LGSN: variants seen among roughly 807,000 people sequenced by gnomAD.
LGSN encodes lengsin, lens protein with glutamine synthetase domain, also known as lengsin.
LGSN carries 21 observed loss-of-function variants against 19.5 expected under a neutral mutation model. The observed-to-expected ratio is 1.07, with a 90% CI of 0.76 to 1.55. LGSN has a LOEUF of 1.55. Among genes scored for constraint, LGSN ranks in the 40% most tolerant of loss-of-function variants. The pLI is 0.00. For missense variants in LGSN, 673 were observed against 608.5 expected (o/e 1.11, Z -1.12); for synonymous variants, 257 against 215.6 (o/e 1.19, Z -1.68).
At chr6:63,381,782 C>T in the LGSN span, among the ~76,000 whole-genome samples, 1 of 152,196 alleles carries the variant, frequency 6.6e-6, no homozygotes, top group Non-Finnish European at 1.5e-5. Context: ...GCTCCAGACA[C>T]AGCAAGCAAT....
chr6:63,360,597 C>T, the LGSN span, among the ~76,000 whole-genome samples: 6 of 152,274 alleles, frequency 3.9e-5, no homozygotes, highest in Admixed American at 1.3e-4. Flanking sequence ...GCCATGGGTT[C>T]GAACTTCCTC....
At chr6:63,320,003 A>G (rs1474074087), upstream of LGSN, 29 of 1,191,906 alleles carry the variant, frequency 2.4e-5, no homozygotes, top group Non-Finnish European at 3.0e-5. Context: ...TGCATTCAAC[A>G]TGTATTTATA....
At chr6:63,380,972 A>G in the LGSN span, among the ~76,000 whole-genome samples, 1 of 152,172 alleles carries the variant, frequency 6.6e-6, no homozygotes, top group Non-Finnish European at 1.5e-5. Flanking sequence ...CAAGGCAGGC[A>G]GATCACTTGA....
the LGSN span, among the ~76,000 whole-genome samples, chr6:63,442,313 G>C: frequency 2.0e-5 from 3 of 152,324 alleles, no homozygotes; most frequent in South Asian, 4.1e-4. Flanking sequence ...AAAGAACAAA[G>C]CTTCCACAGC....
chr6:63,390,161 G>T, the LGSN span, among the ~76,000 whole-genome samples: 1 of 112,108 alleles, frequency 8.9e-6, no homozygotes, highest in African/African-American at 3.6e-5. Context: ...GCAGAGTCTC[G>T]CTCTGTCACC....
chr6:63,381,040 A>G, the LGSN span, among the ~76,000 whole-genome samples: 1 of 152,130 alleles, frequency 6.6e-6, no homozygotes, highest in African/African-American at 2.4e-5. Flanking sequence ...CTAAAAAACA[A>G]AATACACAAA....
the LGSN span, among the ~76,000 whole-genome samples, chr6:63,419,385 C>G: frequency 6.0e-4 from 92 of 152,234 alleles, no homozygotes; most frequent in Middle Eastern, 3.4e-3. Flanking sequence ...ACCTAGCAGG[C>G]CTCAAGGAGG....
At chr6:63,391,957 T>TTCTTTTAA in the LGSN span, among the ~76,000 whole-genome samples, 1 of 152,194 alleles carries the variant, frequency 6.6e-6, no homozygotes, top group African/African-American at 2.4e-5. Context: ...AAGGAATCAA[T>TTCTTTTAA]GATATGAAAG....
chr6:63,390,376 T>C, the LGSN span, among the ~76,000 whole-genome samples: 16,143 of 151,310 alleles, frequency 0.11, 1,768 homozygotes, highest in African/African-American at 0.29. Flanking sequence ...GTGATCCACC[T>C]GCCTTGGCCT....
chr6:63,344,171 A>G, the LGSN span, among the ~76,000 whole-genome samples: 450 of 152,316 alleles, frequency 3.0e-3, 3 homozygotes, highest in African/African-American at 0.01. Flanking sequence ...GAGATAATAA[A>G]TAGGTGTTGT....
chr6:63,377,384 C>T, the LGSN span, among the ~76,000 whole-genome samples: 3 of 152,340 alleles, frequency 2.0e-5, no homozygotes, highest in South Asian at 4.1e-4. Flanking sequence ...TTTCCAGATG[C>T]TGCCATGCTG....
the LGSN span, chr6:63,527,771 G>A: frequency 5.3e-5 from 8 of 152,142 alleles, no homozygotes; most frequent in Admixed American, 1.3e-4. Context: ...AGACAGTGAC[G>A]ATAACAGTGA....
At chr6:63,339,553 T>C in the LGSN span, among the ~76,000 whole-genome samples, 1 of 152,100 alleles carries the variant, frequency 6.6e-6, no homozygotes, top group Non-Finnish European at 1.5e-5. Flanking sequence ...TCGCTTTCAG[T>C]GTATGTGTGT....
At chr6:63,476,625 G>A in the LGSN span, among the ~76,000 whole-genome samples, 1 of 152,120 alleles carries the variant, frequency 6.6e-6, no homozygotes, top group South Asian at 2.1e-4. Context: ...ATGTGGCTGG[G>A]TCTTCTCACT....
upstream of LGSN, among the ~76,000 whole-genome samples, chr6:63,323,504 C>T (rs1053104805): frequency 1.3e-5 from 2 of 149,900 alleles, no homozygotes; most frequent in Non-Finnish European, 3.0e-5. Context: ...TTAATGGCAT[C>T]ATTCTACTTA....
chr6:63,366,183 G>A, the LGSN span, among the ~76,000 whole-genome samples: 6 of 152,172 alleles, frequency 3.9e-5, no homozygotes, highest in African/African-American at 9.7e-5. Flanking sequence ...TGTATATTTA[G>A]AAAACCCCAT....
At chr6:63,322,433 C>T (rs1383362223), upstream of LGSN, among the ~76,000 whole-genome samples, 2 of 152,084 alleles carry the variant, frequency 1.3e-5, no homozygotes, top group Non-Finnish European at 2.9e-5. Flanking sequence ...AATATGGTTT[C>T]AGGTCAGCAT....
chr6:63,290,771 G>A (rs889416201), intron 2 of LGSN, among the ~76,000 whole-genome samples: 19 of 152,202 alleles, frequency 1.2e-4, no homozygotes, highest in African/African-American at 4.6e-4. Context: ...CACAAAAGCA[G>A]CTATAAACAA....
At chr6:63,328,591 T>C in the LGSN span, among the ~76,000 whole-genome samples, 203 of 152,364 alleles carry the variant, frequency 1.3e-3, no homozygotes, top group African/African-American at 4.8e-3. Flanking sequence ...GCCAGCCTTT[T>C]GCTACTACAT....
Sources: gnomAD v4.1 joint callset for allele counts (sites outside exome capture counted in the v4.1 genomes callset) on GRCh38, gnomAD v4.1.1 for gene constraint, MANE v1.5 for transcripts, NCBI Gene and HGNC (gene_info 2026-07-23, HGNC 2026-07-21) for gene names.